TOGARAM1: variants seen among roughly 807,000 people sequenced by gnomAD.
TOGARAM1 encodes TOG array regulator of axonemal microtubules 1.
Under a neutral mutation model 166.6 loss-of-function variants are expected in TOGARAM1, and 100 were observed. The observed-to-expected ratio is 0.60, with a 90% CI of 0.51 to 0.71. TOGARAM1 has a LOEUF of 0.71. TOGARAM1 is among the 30% of genes least tolerant of loss of function. The pLI is 0.00. For synonymous variants in TOGARAM1, 758 were observed against 763.8 expected (o/e 0.99, Z 0.13); for missense variants, 2,029 against 2,102.7 (o/e 0.96, Z 0.69).
intron 8 of TOGARAM1, among the ~76,000 whole-genome samples, chr14:45,027,038 A>T (rs1880891179): frequency 6.6e-6 from 1 of 152,146 alleles, no homozygotes; most frequent in Non-Finnish European, 1.5e-5. Flanking sequence ...AACAAAAAAC[A>T]GCTCACAGCA....
chr14:45,068,323 CT>C, intron 17 of TOGARAM1, 100 bp from the exon 18 acceptor site: 1 of 860,012 alleles, frequency 1.2e-6, no homozygotes, highest in Non-Finnish European at 1.7e-6. Context: ...TATATTTAAA[CT>C]GAGTAAAGTA....
intron 11 of TOGARAM1, among the ~76,000 whole-genome samples, chr14:45,035,315 G>A (rs1051258711): frequency 6.6e-6 from 1 of 151,574 alleles, no homozygotes; most frequent in Non-Finnish European, 1.5e-5. Context: ...AGCTGAGATC[G>A]TACCACTGCA....
intron 7 of TOGARAM1, among the ~76,000 whole-genome samples, chr14:45,025,069 C>A (rs28408667): frequency 0.031 from 4,689 of 152,252 alleles, 237 homozygotes; most frequent in African/African-American, 0.11. Context: ...ATGGAACTTA[C>A]AGTCTAGTAG....
At chr14:45,018,375 G>A (rs1416808590) in intron 7 of TOGARAM1, among the ~76,000 whole-genome samples, 1 of 152,064 alleles carries the variant, frequency 6.6e-6, no homozygotes, top group Non-Finnish European at 1.5e-5. Flanking sequence ...TAGTAACTGG[G>A]ATTACAGGTG....
intron 1 of TOGARAM1, among the ~76,000 whole-genome samples, chr14:44,993,051 T>C (rs8022008): frequency 0.16 from 24,488 of 151,514 alleles, 3,722 homozygotes; most frequent in African/African-American, 0.4. Context: ...TCATTTGAGC[T>C]TGACGGTTCG....
intron 7 of TOGARAM1, among the ~76,000 whole-genome samples, chr14:45,017,629 A>G (rs1168192717): frequency 1.3e-5 from 2 of 152,172 alleles, no homozygotes; most frequent in Non-Finnish European, 2.9e-5. Context: ...CACGCCTGTA[A>G]TCCCAGCACT....
In TOGARAM1 at chr14:44,964,397, T is replaced by A. The variant is rs753223840; in HGVS notation, c.1976T>A (p.Leu659Ter). Residue 659 changes from leucine (L) to a stop codon, truncating the protein, a stop_gained, in exon 1 of 20, where the codon TTA becomes TAA. Transcript: ENST00000361462. LOFTEE classifies it high-confidence loss of function. ...AGTGCAGGAAAAGGAAAAAATAAAT[T>A]ACCATGGGAAAATGAGCAACCTGGA... ...VLSAGKGKNK[L>*]PWENEQPGIM... 2 of 1,612,900 alleles carry A rather than the reference T, an allele frequency of 1.2e-6. No homozygotes were observed. The highest frequency in any genetic ancestry group is 3.3e-5 in the Admixed American group (2 of 59,834).
Position 45,051,793 on chromosome 14 carries a change from C to G in TOGARAM1, c.4314-643C>G, listed in dbSNP as rs534874087. Among the ~76,000 whole-genome samples, 4 of 152,196 alleles carry G rather than the reference C, an allele frequency of 2.6e-5. No individual in the cohort carries two copies. In the East Asian group the frequency reaches 7.7e-4, roughly 29 times the overall value. ...GCCAGGCTGATCTCGAACTCCTGAC[C>G]TTGTGATCCACCTGCCTTGGCCTCC... On this transcript the variant is annotated intron_variant, in intron 14 of 19. Coordinates refer to ENST00000361462, the MANE Select transcript of TOGARAM1 (RefSeq NM_001308120.2).
At chr14:45,025,183 T>C (rs184157745) in intron 7 of TOGARAM1, among the ~76,000 whole-genome samples, 1 of 152,286 alleles carries the variant, frequency 6.6e-6, no homozygotes, top group Non-Finnish European at 1.5e-5. Context: ...AGGATTTTCT[T>C]TTTGATGACC....
intron 1 of TOGARAM1, among the ~76,000 whole-genome samples, chr14:44,969,521 C>G (rs1885767935): frequency 6.6e-6 from 1 of 152,140 alleles, no homozygotes; most frequent in Admixed American, 6.5e-5. Context: ...TTGACATTAA[C>G]TTTCTCAGAG....
intron 1 of TOGARAM1, among the ~76,000 whole-genome samples, chr14:44,969,212 T>C (rs1885748401): frequency 6.7e-6 from 1 of 149,996 alleles, no homozygotes; most frequent in South Asian, 2.1e-4. Flanking sequence ...TGGAGTGCAG[T>C]GCGATCTCGG....
rs1258599825 is a variant in TOGARAM1, at chr14:44,999,446, G to A, written c.2287G>A (p.Val763Met). 2 of 1,612,878 alleles carry A rather than the reference G, an allele frequency of 1.2e-6. No homozygotes were observed. The highest frequency in any genetic ancestry group is 1.7e-6 in the Non-Finnish European group (2 of 1,179,322). ...ACAAATATGTGGTAAAACTGGCAGT[G>A]TGGGTTCTGACTTACAATTCCTAGG... ...FSQICGKTGSVGSDLQFLGTT... is the reference protein window; with the variant it reads ...FSQICGKTGSMGSDLQFLGTT... Residue 763 changes from valine (V) to methionine (M), a missense_variant, in exon 3 of 20, where the codon GTG (valine) becomes ATG (methionine). Val to Met is a conservative substitution (Grantham distance 21). Transcript: ENST00000361462.
chr14:45,072,452 A>G (rs1883426796), intron 19 of TOGARAM1, among the ~76,000 whole-genome samples: 1 of 151,400 alleles, frequency 6.6e-6, no homozygotes, highest in African/African-American at 2.4e-5. Context: ...TTTGAGACAG[A>G]GTCTCGCTCT....
At position 45,057,846 on chromosome 14, in the gene TOGARAM1, T is replaced by C. The variant is rs144483385; in HGVS notation, c.4559+3297T>C. Among the ~76,000 whole-genome samples, 64 of 152,314 alleles carry C rather than the reference T, an allele frequency of 4.2e-4. 1 individual carries two copies. Among genetic ancestry groups the C allele is most frequent in the African/African-American group, 1.4e-3 (58 of 41,562 alleles). The stretch of plus-strand genomic sequence containing the variant: ...GTTTTTAAAAATTTGTTGGGACTTA[T>C]TATGTGACCTAATATATGGTCTGTG... On this transcript the variant is annotated intron_variant, in intron 16 of 19. Coordinates refer to ENST00000361462, the MANE Select transcript of TOGARAM1 (RefSeq NM_001308120.2).
chr14:45,063,178 C>A (rs1882975571), intron 16 of TOGARAM1, among the ~76,000 whole-genome samples: 1 of 152,066 alleles, frequency 6.6e-6, no homozygotes, highest in Non-Finnish European at 1.5e-5. Context: ...TACTTCATTC[C>A]TTTTTATGGG....
intron 1 of TOGARAM1, among the ~76,000 whole-genome samples, chr14:44,987,394 C>G (rs1450507242): frequency 6.6e-6 from 1 of 152,126 alleles, no homozygotes; most frequent in Non-Finnish European, 1.5e-5. Flanking sequence ...ACAAAGAACT[C>G]AAACAAATTT....
chr14:45,027,451 C>G lies in TOGARAM1; in HGVS notation c.3481C>G (p.Leu1161Val). Residue 1161 changes from leucine to valine, a missense_variant, in exon 9 of 20, where the codon CTT becomes GTT. Coordinates refer to ENST00000361462, the MANE Select transcript of TOGARAM1 (RefSeq NM_001308120.2). Reference sequence around the variant, plus strand: ...AGTCCAGCAAAATATTTCATCATATCTTGATGTTGAGAATGAAAAAGATGT... The same window carrying G: ...AGTCCAGCAAAATATTTCATCATATGTTGATGTTGAGAATGAAAAAGATGT... ...RSVQQNISSY[L>V]DVENEKDAKV... 1.9e-6 allele frequency: 3 copies of G among 1,606,212 alleles called. No individual in the cohort carries two copies. The highest frequency in any genetic ancestry group is 1.1e-5 in the South Asian group (1 of 89,028).
At chr14:45,053,969 T>C (rs1266308191) in intron 15 of TOGARAM1, among the ~76,000 whole-genome samples, 2 of 152,046 alleles carry the variant, frequency 1.3e-5, no homozygotes, top group African/African-American at 4.8e-5. Flanking sequence ...AACCTCTGCC[T>C]CTGGGTTCAA....
intron 4 of TOGARAM1, 91 bp from the exon 5 acceptor site, chr14:45,005,917 T>C: frequency 8.4e-7 from 1 of 1,195,184 alleles, no homozygotes; most frequent in Non-Finnish European, 1.1e-6. Context: ...TTTTTTTATT[T>C]TAAAACATTG....
Sources: allele counts gnomAD v4.1 joint callset (sites outside exome capture counted in the v4.1 genomes callset), GRCh38; gene constraint gnomAD v4.1.1; transcripts MANE v1.5; gene names NCBI Gene and HGNC (gene_info 2026-07-23, HGNC 2026-07-21).